The following KCTD1 variants were observed in gnomAD, a reference collection of about 807,000 sequenced individuals.
KCTD1 encodes the protein potassium channel tetramerization domain containing 1, also known as BTB/POZ domain-containing protein KCTD1.
In KCTD1, 24 loss-of-function variants were observed where a neutral mutation model predicts 66.0. That is an observed-to-expected ratio of 0.36 (90% CI 0.26 to 0.51). KCTD1 has a LOEUF of 0.51. KCTD1 is among the 20% of genes least tolerant of loss of function. The pLI is 0.95. For missense variants in KCTD1, 943 were observed against 1,205.2 expected (o/e 0.78, Z 3.22); for synonymous variants, 511 against 517.2 (o/e 0.99, Z 0.16).
At chr18:26,604,415 A>G (rs767398796) in intron 1 of KCTD1, among the ~76,000 whole-genome samples, 1 of 152,216 alleles carries the variant, frequency 6.6e-6, no homozygotes, top group Non-Finnish European at 1.5e-5. Flanking sequence ...CTGGGTATAT[A>G]CCCAGAGGAA....
chr18:26,630,171 T>C (rs540498837), upstream of KCTD1, among the ~76,000 whole-genome samples: 1 of 152,216 alleles, frequency 6.6e-6, no homozygotes. Flanking sequence ...GGTGCCTTCC[T>C]GCTAATACAG....
chr18:26,551,269 G>A (rs1451298206), upstream of KCTD1, among the ~76,000 whole-genome samples: 1 of 152,120 alleles, frequency 6.6e-6, no homozygotes, highest in Non-Finnish European at 1.5e-5. Context: ...TATCCCCCAG[G>A]GCAGGTCTCT....
At chr18:26,506,339 C>T (rs573962040) in intron 1 of KCTD1, among the ~76,000 whole-genome samples, 4 of 152,190 alleles carry the variant, frequency 2.6e-5, no homozygotes, top group East Asian at 1.9e-4. Flanking sequence ...AGAGGAAGGC[C>T]GGGCTACTAT....
chr18:26,553,872 C>A (rs1985636794), intron 1 of KCTD1, among the ~76,000 whole-genome samples: 1 of 150,730 alleles, frequency 6.6e-6, no homozygotes, highest in African/African-American at 2.4e-5. Context: ...CAAGGTCTCC[C>A]AGACCTGACC....
intron 1 of KCTD1, among the ~76,000 whole-genome samples, chr18:26,624,685 T>A (rs1353766706): frequency 6.6e-6 from 1 of 152,086 alleles, no homozygotes; most frequent in Non-Finnish European, 1.5e-5. Context: ...ACTAGGGCAG[T>A]GTGGGAGGGA....
chr18:26,549,835 T>A (rs1159058745), upstream of KCTD1: 1 of 983,974 alleles, frequency 1.0e-6, no homozygotes, highest in Non-Finnish European at 1.2e-6. Context: ...GCTCGCCGGG[T>A]CTCGCTTTCC....
At chr18:26,656,917 G>A (rs1437800464) in intron 1 of KCTD1, among the ~76,000 whole-genome samples, 1 of 150,202 alleles carries the variant, frequency 6.7e-6, no homozygotes, top group Non-Finnish European at 1.5e-5. Flanking sequence ...GGGGAGGGCG[G>A]GGGAGAGCCG....
upstream of KCTD1, among the ~76,000 whole-genome samples, chr18:26,633,505 T>C (rs1479286936): frequency 2.0e-5 from 3 of 152,178 alleles, no homozygotes; most frequent in Non-Finnish European, 2.9e-5. Flanking sequence ...CAATTATTAT[T>C]TGTCAATTAA....
intron 1 of KCTD1, among the ~76,000 whole-genome samples, chr18:26,502,840 A>G (rs1292444518): frequency 6.6e-6 from 1 of 152,228 alleles, no homozygotes; most frequent in Admixed American, 6.5e-5. Flanking sequence ...TTTGATGGAG[A>G]CCACAAAGGG....
chr18:26,523,276 A>C (rs1984001995), intron 1 of KCTD1, among the ~76,000 whole-genome samples: 1 of 152,086 alleles, frequency 6.6e-6, no homozygotes, highest in African/African-American at 2.4e-5. Context: ...CTGGAACTCT[A>C]TTTCTTTAGA....
In KCTD1 at chr18:26,459,145, T is replaced by C. The variant is rs181155172; in HGVS notation, c.2439+475A>G. ...CTGGCTTTCCTGATAGTCCTCAATA[T>C]GCCAGCATACTCTGCCCCAGAAATC... On this transcript the variant is annotated intron_variant, in intron 4 of 4. Transcript: ENST00000580059. 587 of 155,150 alleles carry C rather than the reference T, an allele frequency of 3.8e-3. 1 individual carries two copies. Among genetic ancestry groups the C allele is most frequent in the Non-Finnish European group, 6.5e-3 (451 of 69,814 alleles). The allele number at this position is 155,150 out of a possible 1,614,324, so 9.6% of individuals were successfully genotyped here.
intron 1 of KCTD1, among the ~76,000 whole-genome samples, chr18:26,577,366 T>A (rs1004611512): frequency 6.6e-6 from 1 of 152,224 alleles, no homozygotes; most frequent in Admixed American, 6.5e-5. Context: ...TAATGACACC[T>A]CCCTTGTTAA....
chr18:26,599,965 C>T, intron 1 of KCTD1: 2 of 1,604,944 alleles, frequency 1.2e-6, no homozygotes, highest in South Asian at 2.2e-5. Flanking sequence ...TTCAGTGAAG[C>T]CTGCAGTGGA....
intron 2 of KCTD1, among the ~76,000 whole-genome samples, chr18:26,492,943 G>A (rs78958050): frequency 5.2e-4 from 79 of 152,216 alleles, no homozygotes; most frequent in African/African-American, 1.8e-3. Context: ...TTTGAATAAC[G>A]TTACTCAATT....
At chr18:26,600,210 GC>G in intron 1 of KCTD1, 1 of 1,600,526 alleles carries the variant, frequency 6.2e-7, no homozygotes, top group Middle Eastern at 2.3e-4. Context: ...TGAGCTCCCA[GC>G]CCAAGTCGGC....
At chr18:26,636,412 C>T (rs934525696) in intron 1 of KCTD1, among the ~76,000 whole-genome samples, 1 of 152,154 alleles carries the variant, frequency 6.6e-6, no homozygotes, top group African/African-American at 2.4e-5. Flanking sequence ...TCTCAGGGCT[C>T]CTCACATTGC....
chr18:26,505,455 T>G lies in KCTD1; in HGVS notation c.1810-4205A>C, dbSNP rs202207004. Among the ~76,000 whole-genome samples the G allele has an allele frequency of 1.3e-4, 20 of 152,382 alleles. No individual in the cohort carries two copies. The East Asian group carries it at 3.9e-3, about 29-fold the overall frequency. On this transcript the variant is annotated intron_variant, in intron 1 of 4. Coordinates refer to ENST00000580059, the MANE Select transcript of KCTD1 (RefSeq NM_001142730.3). The stretch of plus-strand genomic sequence containing the variant: ...CTCTGTGATAAAACTCCCTCCGGAA[T>G]ACAGACGAAGAACCCGGGAGAGGAA...
rs761518005 is a variant in KCTD1, at chr18:26,547,451, C to G, written c.1086G>C (p.Trp362Cys). The G allele has an allele frequency of 1.6e-5, 25 of 1,551,448 alleles. No homozygotes were observed. The highest frequency in any genetic ancestry group is 2.1e-5 in the Non-Finnish European group (24 of 1,146,930). ...CGCTGCTCTCGGCGCGCTTCTTGCT[C>G]CACGACGACGAGCGCGACTTGTGGT... ...GPYHKSRSSS[W>C]SKKRAESSDE... Residue 362 changes from tryptophan to cysteine, a missense_variant, in exon 1 of 5, where the codon TGG becomes TGC. Coordinates refer to ENST00000580059, the MANE Select transcript of KCTD1 (RefSeq NM_001142730.3).
chr18:26,601,751 A>AT (rs1337360017), intron 1 of KCTD1, among the ~76,000 whole-genome samples: 2 of 151,948 alleles, frequency 1.3e-5, no homozygotes, highest in African/African-American at 2.4e-5. Flanking sequence ...TTATTCCTAG[A>AT]TTTTTTGCTG....
Sources: allele counts gnomAD v4.1 joint callset (sites outside exome capture counted in the v4.1 genomes callset), GRCh38; gene constraint gnomAD v4.1.1; transcripts MANE v1.5; gene names NCBI Gene and HGNC (gene_info 2026-07-23, HGNC 2026-07-21).